The following NR1I3 variants were observed in gnomAD, a reference collection of about 807,000 sequenced individuals.
NR1I3 encodes the protein nuclear receptor subfamily 1 group I member 3.
A neutral mutation model predicts 38.4 loss-of-function variants in NR1I3; 30 were observed. The observed-to-expected ratio is 0.78, with a 90% CI of 0.58 to 1.06. NR1I3 has a LOEUF of 1.06. Ranked by LOEUF, NR1I3 falls within the 50% of genes least tolerant of loss-of-function variation. NR1I3 has a pLI of 0.00. For missense variants in NR1I3, 388 were observed against 435.7 expected (o/e 0.89, Z 0.97); for synonymous variants, 143 against 165.1 (o/e 0.87, Z 1.03).
At chr1:161,233,937 A>ATATATG (rs1668010257) in intron 3 of NR1I3, among the ~76,000 whole-genome samples, 1 of 143,570 alleles carries the variant, frequency 7.0e-6, no homozygotes, top group Non-Finnish European at 1.5e-5. Flanking sequence ...ATGTGTATAC[A>ATATATG]TGTATATATG....
chr1:161,230,640 A>AT, intron 8 of NR1I3, 173 bp downstream of exon 8: 2 of 828,672 alleles, frequency 2.4e-6, no homozygotes, highest in Non-Finnish European at 3.7e-6. Flanking sequence ...AAATACAGCA[A>AT]TTTGGATGCT....
chr1:161,230,733 A>C (rs768193059), intron 8 of NR1I3, 80 bp downstream of exon 8: 5 of 1,594,836 alleles, frequency 3.1e-6, no homozygotes, highest in Non-Finnish European at 4.3e-6. Flanking sequence ...ACAGTAAAAA[A>C]ACATTCCTCC....
chr1:161,236,415 A>G, intron 2 of NR1I3, 44 bp downstream of exon 2: 2 of 1,610,806 alleles, frequency 1.2e-6, no homozygotes, highest in Non-Finnish European at 8.5e-7. Flanking sequence ...ACTAATAGGG[A>G]GTTTGGTTTG....
In NR1I3 at chr1:161,229,825, A is replaced by C. The variant is rs1558101795; in HGVS notation, c.1019T>G (p.Met340Arg). Residue 340 changes from methionine (M) to arginine (R), a missense_variant, in exon 9 of 9, where the codon ATG (methionine) becomes AGG (arginine). Met to Arg is a moderately conservative substitution (Grantham distance 91, BLOSUM62 -1). Transcript: ENST00000367983. ...IQHIQGLSAM[M>R]PLLQEICS ...GCTGCAGATCTCCTGGAGCAGCGGC[A>C]TCATGGCAGACAGGCCCTGGATGTG... The C allele has an allele frequency of 6.2e-7, 1 of 1,614,104 alleles. No homozygotes were observed. Among genetic ancestry groups the C allele is most frequent in the Non-Finnish European group, 8.5e-7 (1 of 1,180,048 alleles).
chr1:161,230,370 T>C, intron 8 of NR1I3: 2 of 326,204 alleles, frequency 6.1e-6, no homozygotes, highest in Non-Finnish European at 1.1e-5. Flanking sequence ...CTATTGAACC[T>C]GGAACTGGCT....
rs1666700804 is a variant in NR1I3 at position 161,229,854 on chromosome 1, G to T, written c.990C>A (p.Ile330=). The T allele has an allele frequency of 6.2e-7, 1 of 1,614,178 alleles. No homozygotes were observed. The highest frequency in any genetic ancestry group is 2.2e-5 in the East Asian group (1 of 44,874). ...TGGCAGACAGGCCCTGGATGTGCTGGATTTGGTACCCGTAGGCCTCATTAA... is the reference window on the plus strand; with the variant it reads ...TGGCAGACAGGCCCTGGATGTGCTGTATTTGGTACCCGTAGGCCTCATTAA... ...RSINEAYGYQ[I]QHIQGLSAMM... Residue 330 remains isoleucine (I), a synonymous_variant, in exon 9 of 9, where the codon ATC becomes ATA. Transcript: ENST00000367983.
chr1:161,232,425 G>C (rs1290259197), intron 5 of NR1I3, among the ~76,000 whole-genome samples: 1 of 152,130 alleles, frequency 6.6e-6, no homozygotes, highest in Non-Finnish European at 1.5e-5. Context: ...AGCTTCCTGA[G>C]TACCTGGGAC....
rs754515980 is a variant in NR1I3, at chr1:161,230,819, C to T, written c.911G>A (p.Arg304Gln). ...SYIKGQQRRPRDRFLYAKLLG... is the reference protein window; with the variant it reads ...SYIKGQQRRPQDRFLYAKLLG... ...CCTCAGTGTCCCACCGTACCGATCC[C>T]GGGGCCTTCGCTGCTGGCCCTTGAT... is the stretch of plus-strand genomic sequence containing the variant. Residue 304 changes from arginine to glutamine, a missense_variant, in exon 8 of 9, where the codon CGG (arginine) becomes CAG (glutamine). Arg to Gln is a conservative substitution (Grantham distance 43). Coordinates refer to ENST00000367983, the MANE Select transcript of NR1I3 (RefSeq NM_005122.5). 57 of 1,614,000 alleles carry T rather than the reference C, an allele frequency of 3.5e-5. No individual in the cohort carries two copies. Among genetic ancestry groups the T allele is most frequent in the Non-Finnish European group, 4.2e-5 (49 of 1,180,040 alleles).
Position 161,231,312 on chromosome 1 carries a change from C to T in NR1I3, c.694+17G>A, listed in dbSNP as rs756443899. On this transcript the variant is annotated intron_variant, in intron 6 of 8. Coordinates refer to ENST00000367983, the MANE Select transcript of NR1I3 (RefSeq NM_005122.5). ...CCATGAGGACACATGCCCCCTATTG[C>T]TCTAGCACCATCTCACCACGGGCTC... 4.4e-6 allele frequency: 7 copies of T among 1,596,474 alleles called. No homozygotes were observed. Among genetic ancestry groups the T allele is most frequent in the Admixed American group, 1.8e-5 (1 of 56,808 alleles).
At chr1:161,237,459 C>A (rs1213581361) in intron 1 of NR1I3, among the ~76,000 whole-genome samples, 31 of 151,862 alleles carry the variant, frequency 2.0e-4, no homozygotes, top group Admixed American at 2.0e-3. Flanking sequence ...GTGTCTCATG[C>A]CTGTAATTCC....
At chr1:161,236,911 A>ATT (rs142799258) in intron 1 of NR1I3, among the ~76,000 whole-genome samples, 23,143 of 144,118 alleles carry the variant, frequency 0.16, 1,882 homozygotes, top group East Asian at 0.29. Flanking sequence ...TTATTTATTT[A>ATT]TTTATTTTTT....
chr1:161,230,799 G>C lies in NR1I3; in HGVS notation c.917+14C>G, dbSNP rs765391273. The C allele has an allele frequency of 6.2e-7, 1 of 1,613,990 alleles. No individual in the cohort carries two copies. Among genetic ancestry groups the C allele is most frequent in the South Asian group, 1.1e-5 (1 of 91,078 alleles). ...CCCTGGTGTGGCCTCCAAGCCCTCA[G>C]TGTCCCACCGTACCGATCCCGGGGC... On this transcript the variant is annotated intron_variant, in intron 8 of 8. Transcript: ENST00000367983.
rs1666682625 is a variant in NR1I3, at chr1:161,229,817, G to T, written c.1027C>A (p.Leu343Ile). 1 of 1,614,242 alleles carries T rather than the reference G, an allele frequency of 6.2e-7. No homozygotes were observed. The highest frequency in any genetic ancestry group is 8.5e-7 in the Non-Finnish European group (1 of 1,180,044). The part of the protein sequence containing the change: ...IQGLSAMMPL[L>I]QEICS ...TGGCCTCAGCTGCAGATCTCCTGGA[G>T]CAGCGGCATCATGGCAGACAGGCCC... Residue 343 changes from leucine to isoleucine, a missense_variant, in exon 9 of 9, where the codon CTC becomes ATC. By Grantham distance (5) the Leu-to-Ile change is conservative. Transcript: ENST00000367983.
intron 2 of NR1I3, 125 bp from the exon 3 acceptor site, chr1:161,236,102 C>A: frequency 4.5e-6 from 5 of 1,114,544 alleles, no homozygotes; most frequent in African/African-American, 1.6e-5. Context: ...CCCAAAGGTC[C>A]CCAGGGGTGG....
intron 8 of NR1I3, 85 bp from the exon 9 acceptor site, chr1:161,230,011 AAC>A: frequency 4.6e-6 from 7 of 1,514,118 alleles, no homozygotes; most frequent in Non-Finnish European, 6.3e-6. Context: ...TGATCCCCTG[AAC>A]TATTCCTCAG....
rs995493515 is a variant in NR1I3, at chr1:161,236,356, G to C, written c.107+103C>G. On this transcript the variant is annotated intron_variant, in intron 2 of 8. Coordinates refer to ENST00000367983, the MANE Select transcript of NR1I3 (RefSeq NM_005122.5). Reference sequence around the variant, plus strand: ...AGGGTAGTTAGACTCTAAGATAAAGGAGTAATGTAGCTGGACAGGCTTGGG... The same window carrying C: ...AGGGTAGTTAGACTCTAAGATAAAGCAGTAATGTAGCTGGACAGGCTTGGG... 7 of 1,378,604 alleles carry C rather than the reference G, an allele frequency of 5.1e-6. No homozygotes were observed. The East Asian group carries it at 1.2e-4, about 23-fold the overall frequency. The allele number at this position is 1,378,604 out of a possible 1,614,324, so 85.4% of individuals were successfully genotyped here. A position where few individuals can be genotyped will look rare whatever the true frequency, so the allele number is the denominator to read the frequency against.
At chr1:161,235,708 A>T in intron 3 of NR1I3, 139 bp downstream of exon 3, 1 of 1,010,574 alleles carries the variant, frequency 9.9e-7, no homozygotes, top group African/African-American at 1.6e-5. Context: ...GAGCCATTGG[A>T]TGTCTTGAGT....
At chr1:161,233,879 G>A (rs11265569) in intron 3 of NR1I3, among the ~76,000 whole-genome samples, 17 of 108,930 alleles carry the variant, frequency 1.6e-4, no homozygotes, top group East Asian at 7.2e-4. Flanking sequence ...GTGTGTGTGT[G>A]TGTGTGTGTA....
Position 161,238,201 on chromosome 1 carries a change from T to C in NR1I3, c.-194A>G, listed in dbSNP as rs1343262890. On this transcript the variant is annotated 5_prime_UTR_variant, in exon 1 of 9. Transcript: ENST00000367983. Reference sequence around the variant, plus strand: ...CGTAGTATCTGGAAAACAAGAGATGTCTGTTTTATGTGGCCTCCAGTTGCT... The same window carrying C: ...CGTAGTATCTGGAAAACAAGAGATGCCTGTTTTATGTGGCCTCCAGTTGCT... The C allele has an allele frequency of 2.6e-6, 4 of 1,526,194 alleles. No individual in the cohort carries two copies. Among genetic ancestry groups the C allele is most frequent in the Middle Eastern group, 1.8e-4 (1 of 5,668 alleles). 94.5% of individuals were successfully genotyped at this position (1,526,194 alleles called of 1,614,324 possible). A position where few individuals can be genotyped will look rare whatever the true frequency, so the allele number is the denominator to read the frequency against.
Sources: allele counts gnomAD v4.1 joint callset (sites outside exome capture counted in the v4.1 genomes callset), GRCh38; gene constraint gnomAD v4.1.1; transcripts MANE v1.5; gene names NCBI Gene and HGNC (gene_info 2026-07-23, HGNC 2026-07-21).